Variants in CLDN14 observed in about 807,000 individuals in gnomAD.
CLDN14 encodes the protein claudin-14.
CLDN14 carries 2 observed loss-of-function variants against 2.1 expected under a neutral mutation model. The ratio of observed to expected loss-of-function variants is 0.96; its 90% CI spans 0.39 to 3.01. The LOEUF is 3.01. Ranked by LOEUF, CLDN14 falls within the 30% of genes most tolerant of loss-of-function variation. The probability of loss-of-function intolerance (pLI) is 0.09; values close to 1 mark genes in which losing one functional copy is unlikely to be tolerated. For synonymous variants in CLDN14, 136 were observed against 154.4 expected (o/e 0.88, Z 0.88); for missense variants, 298 against 328.0 (o/e 0.91, Z 0.71).
At chr21:36,510,742 G>C (rs1207754899) in intron 1 of CLDN14, among the ~76,000 whole-genome samples, 1 of 152,238 alleles carries the variant, frequency 6.6e-6, no homozygotes, top group Non-Finnish European at 1.5e-5. Context: ...TGCTGTGAAG[G>C]TTTCATCTTT....
intron 1 of CLDN14, among the ~76,000 whole-genome samples, chr21:36,535,035 A>C (rs891898182): frequency 1.3e-5 from 2 of 152,242 alleles, no homozygotes; most frequent in African/African-American, 2.4e-5. Flanking sequence ...ACTTTGCCTG[A>C]AAATGGGATG....
At chr21:36,497,914 G>A (rs967014074) in intron 2 of CLDN14, among the ~76,000 whole-genome samples, 1 of 152,148 alleles carries the variant, frequency 6.6e-6, no homozygotes, top group Non-Finnish European at 1.5e-5. Flanking sequence ...ACTTTCCTTA[G>A]CTCTTCAGTC....
intron 2 of CLDN14, among the ~76,000 whole-genome samples, chr21:36,510,203 G>T (rs2087173197): frequency 6.6e-6 from 1 of 152,216 alleles, no homozygotes; most frequent in African/African-American, 2.4e-5. Flanking sequence ...CCGGAAAAGC[G>T]GTGGCAGCTG....
intron 1 of CLDN14, among the ~76,000 whole-genome samples, chr21:36,525,135 C>G (rs2087313930): frequency 6.6e-6 from 1 of 152,180 alleles, no homozygotes; most frequent in African/African-American, 2.4e-5. Context: ...CAACAAGCAG[C>G]CAGACACTGA....
chr21:36,521,667 G>A (rs1449571981), intron 1 of CLDN14, among the ~76,000 whole-genome samples: 1 of 152,196 alleles, frequency 6.6e-6, no homozygotes, highest in Non-Finnish European at 1.5e-5. Flanking sequence ...ATGACAGAGT[G>A]AGGCCCCAAG....
intron 1 of CLDN14, among the ~76,000 whole-genome samples, chr21:36,533,164 G>A (rs975457280): frequency 5.3e-5 from 8 of 152,276 alleles, no homozygotes; most frequent in Middle Eastern, 3.4e-3. Flanking sequence ...GGCTTAGCTC[G>A]GGTGGGGCTG....
intron 2 of CLDN14, among the ~76,000 whole-genome samples, chr21:36,505,729 T>C (rs1391343961): frequency 6.6e-6 from 1 of 152,030 alleles, no homozygotes; most frequent in Admixed American, 6.5e-5. Flanking sequence ...GCAAAACCAC[T>C]CAGGATTGCC....
At chr21:36,522,532 G>C (rs1484941101) in intron 1 of CLDN14, among the ~76,000 whole-genome samples, 1 of 152,134 alleles carries the variant, frequency 6.6e-6, no homozygotes, top group Non-Finnish European at 1.5e-5. Flanking sequence ...AGCCGCCCTC[G>C]TTTTCATGAA....
At chr21:36,534,101 A>T (rs1035467576) in intron 1 of CLDN14, among the ~76,000 whole-genome samples, 1 of 148,886 alleles carries the variant, frequency 6.7e-6, no homozygotes, top group Admixed American at 6.7e-5. Flanking sequence ...GTGGCTTTAA[A>T]TTTTTTTTTT....
intron 1 of CLDN14, among the ~76,000 whole-genome samples, chr21:36,523,753 A>T (rs2087293214): frequency 1.0e-5 from 1 of 99,022 alleles, no homozygotes; most frequent in Non-Finnish European, 2.1e-5. Flanking sequence ...ATCTAAAAAA[A>T]AAAAAAAAAG....
intron 1 of CLDN14, among the ~76,000 whole-genome samples, chr21:36,525,624 C>T (rs1255306698): frequency 6.6e-6 from 1 of 152,128 alleles, no homozygotes; most frequent in Non-Finnish European, 1.5e-5. Flanking sequence ...ATGGTGACTT[C>T]CAAGCTGGTG....
chr21:36,539,449 G>T (rs1414699062), intron 1 of CLDN14, among the ~76,000 whole-genome samples: 1 of 149,634 alleles, frequency 6.7e-6, no homozygotes, highest in Non-Finnish European at 1.5e-5. Context: ...GAGTGTGTGT[G>T]CAGAGTGAGT....
At chr21:36,491,468 G>A (rs1386457718) in intron 2 of CLDN14, among the ~76,000 whole-genome samples, 2 of 152,212 alleles carry the variant, frequency 1.3e-5, no homozygotes, top group African/African-American at 4.8e-5. Flanking sequence ...TGTCAAGCTT[G>A]ACACGATCAT....
chr21:36,505,157 T>A (rs1384871445), intron 2 of CLDN14, among the ~76,000 whole-genome samples: 2 of 152,202 alleles, frequency 1.3e-5, no homozygotes, highest in African/African-American at 4.8e-5. Context: ...ACAGTAAGTA[T>A]CTCAAAACTT....
intron 1 of CLDN14, among the ~76,000 whole-genome samples, chr21:36,528,574 AGGCAGCAATAAGGAACTG>A (rs1422915760): frequency 2.0e-5 from 3 of 152,292 alleles, no homozygotes; most frequent in South Asian, 2.1e-4. Context: ...CCTCACAGGA[AGGCAGCAATAAGGAACTG>A]GGTTAGGGTC....
At chr21:36,563,374 G>A (rs559180866) in intron 1 of CLDN14, among the ~76,000 whole-genome samples, 16 of 151,798 alleles carry the variant, frequency 1.1e-4, no homozygotes, top group South Asian at 2.1e-4. Flanking sequence ...TTTCCTTACC[G>A]TAGCGCTCTC....
chr21:36,576,193 G>C (rs986212532), intron 1 of CLDN14, among the ~76,000 whole-genome samples: 7 of 152,114 alleles, frequency 4.6e-5, no homozygotes. Flanking sequence ...ACAAGCTGGT[G>C]AACTAATCAT....
At chr21:36,548,446 C>T (rs778216643) in intron 1 of CLDN14, among the ~76,000 whole-genome samples, 2 of 152,166 alleles carry the variant, frequency 1.3e-5, no homozygotes, top group Non-Finnish European at 2.9e-5. Flanking sequence ...ACAAACAGCC[C>T]CGCCCCAGAG....
chr21:36,568,538 A>G (rs2087688378), intron 1 of CLDN14, among the ~76,000 whole-genome samples: 1 of 152,196 alleles, frequency 6.6e-6, no homozygotes, highest in Admixed American at 6.5e-5. Context: ...AACTGCAAAC[A>G]TGCTTTTGGC....
Sources: allele counts gnomAD v4.1 joint callset (sites outside exome capture counted in the v4.1 genomes callset), GRCh38; gene constraint gnomAD v4.1.1; transcripts MANE v1.5; gene names NCBI Gene and HGNC (gene_info 2026-07-23, HGNC 2026-07-21).